Variants in CAMTA1 observed in about 807,000 individuals in gnomAD.
The protein encoded by CAMTA1 is calmodulin-binding transcription activator 1.
Under a neutral mutation model 170.9 loss-of-function variants are expected in CAMTA1, and 27 were observed. The ratio of observed to expected loss-of-function variants is 0.16; its 90% CI spans 0.12 to 0.22. The LOEUF (loss-of-function observed/expected upper bound fraction) is 0.22, where lower values mean the gene tolerates loss of function less well. CAMTA1 is among the 10% of genes least tolerant of loss of function. The pLI, the probability that CAMTA1 is intolerant of heterozygous loss-of-function variation, is 1.00. For synonymous variants in CAMTA1, 833 were observed against 891.5 expected (o/e 0.93, Z 1.17); for missense variants, 1,619 against 2,217.2 (o/e 0.73, Z 5.42).
chr1:7,468,458 C>T (rs1342813195), intron 6 of CAMTA1, among the ~76,000 whole-genome samples: 5 of 152,178 alleles, frequency 3.3e-5, no homozygotes, highest in Admixed American at 3.3e-4. Context: ...GCCTGGTGCC[C>T]AGATCTCTGT....
Position 6,934,901 on chromosome 1 carries a change from T to C in CAMTA1, c.234+109691T>C, listed in dbSNP as rs907823831. Among the ~76,000 whole-genome samples the C allele has an allele frequency of 2.6e-5, 4 of 151,984 alleles. No homozygotes were observed. The highest frequency in any genetic ancestry group is 5.9e-5 in the Non-Finnish European group (4 of 68,018). ...TGTCAAAATAAAAAGTCCACCAAAC[T>C]CCTTAGGCCAGTCGAAAGCACCTAA... On this transcript the variant is annotated intron_variant, in intron 3 of 22. Coordinates refer to ENST00000303635, the MANE Select transcript of CAMTA1 (RefSeq NM_015215.4). This position sits in a 1 kb window ranked among gnomAD's most constrained non-coding sequence, Gnocchi z 4.5.
At chr1:7,422,982 A>G (rs1406883794) in intron 5 of CAMTA1, among the ~76,000 whole-genome samples, 1 of 152,254 alleles carries the variant, frequency 6.6e-6, no homozygotes, top group Non-Finnish European at 1.5e-5. Flanking sequence ...GCATAGATTA[A>G]TGGCAGTGCC....
At chr1:7,474,848 C>G (rs2093394440) in intron 6 of CAMTA1, among the ~76,000 whole-genome samples, 2 of 152,232 alleles carry the variant, frequency 1.3e-5, no homozygotes, top group Admixed American at 6.5e-5. Flanking sequence ...AGTGTCTCCC[C>G]AGAAGTGCAG....
chr1:6,881,803 T>A (rs1402894181), intron 3 of CAMTA1, among the ~76,000 whole-genome samples: 1 of 151,984 alleles, frequency 6.6e-6, no homozygotes, highest in Non-Finnish European at 1.5e-5. Context: ...CTGTCACTAC[T>A]AAAAATACGA....
At position 7,092,987 on chromosome 1, in the gene CAMTA1, G is replaced by A. The variant is rs1359276677; in HGVS notation, c.302+1616G>A. Among the ~76,000 whole-genome samples, 1 of 152,234 alleles carries A rather than the reference G, an allele frequency of 6.6e-6. No homozygotes were observed. Among genetic ancestry groups the A allele is most frequent in the East Asian group, 1.9e-4 (1 of 5,196 alleles). ...CAAGTCCCCTGGCCAAGCCCAGTAA[G>A]AATGGGGCTGGGAAGGACATCCCTC... On this transcript the variant is annotated intron_variant, in intron 4 of 22. Coordinates refer to ENST00000303635, the MANE Select transcript of CAMTA1 (RefSeq NM_015215.4). This position sits in a 1 kb window ranked among gnomAD's most constrained non-coding sequence, Gnocchi z 5.0.
At chr1:7,372,227 C>G (rs2086527841) in intron 5 of CAMTA1, among the ~76,000 whole-genome samples, 1 of 152,178 alleles carries the variant, frequency 6.6e-6, no homozygotes, top group South Asian at 2.1e-4. Context: ...CATCCTTGCC[C>G]TTCAGAAGCT....
chr1:7,355,585 C>T (rs1402538583), intron 5 of CAMTA1, among the ~76,000 whole-genome samples: 3 of 152,254 alleles, frequency 2.0e-5, no homozygotes, highest in Non-Finnish European at 2.9e-5. Context: ...CTGCAAAAGC[C>T]CTCTGCCAAG....
rs889850446 is a variant in CAMTA1 at position 7,741,938 on chromosome 1, CG to C, written c.4183-2894del. On this transcript the variant is annotated intron_variant, in intron 16 of 22. Transcript: ENST00000303635. ...AGGTGTGAGCCACCATGCCCGGCCT[CG>C]GGTTGTTTTTTTTTTTTTTTTTAAA... Among the ~76,000 whole-genome samples the C allele has an allele frequency of 1.2e-3, 132 of 113,970 alleles. 1 individual carries two copies. The highest frequency in any genetic ancestry group is 3.8e-3 in the African/African-American group (126 of 33,024). 74.8% of individuals were successfully genotyped at this position (113,970 alleles called of 152,430 possible). A position where few individuals can be genotyped will look rare whatever the true frequency, so the allele number is the denominator to read the frequency against.
At chr1:7,458,116 C>T (rs1387464650) in intron 5 of CAMTA1, among the ~76,000 whole-genome samples, 6 of 152,286 alleles carry the variant, frequency 3.9e-5, no homozygotes, top group East Asian at 1.9e-4. Flanking sequence ...CGTTTGCTGC[C>T]GTTCCTGGTT....
chr1:7,529,507 C>T (rs986918669), intron 6 of CAMTA1, among the ~76,000 whole-genome samples: 94 of 152,164 alleles, frequency 6.2e-4, no homozygotes, highest in African/African-American at 1.8e-3. Context: ...GAACTTGAGG[C>T]ACAGAGAGCT....
At chr1:7,508,104 G>T (rs116816512) in intron 6 of CAMTA1, among the ~76,000 whole-genome samples, 5,078 of 152,382 alleles carry the variant, frequency 0.033, 271 homozygotes, top group African/African-American at 0.12. Context: ...CCCTGAGAAG[G>T]TAGGAAGTGG....
chr1:7,590,118 C>T (rs1248017796), intron 6 of CAMTA1, among the ~76,000 whole-genome samples: 1 of 152,178 alleles, frequency 6.6e-6, no homozygotes, highest in Non-Finnish European at 1.5e-5. Context: ...TGCCTATTTG[C>T]CCGTACAGGG....
At chr1:7,744,231 A>G (rs1214776757) in intron 16 of CAMTA1, among the ~76,000 whole-genome samples, 1 of 148,516 alleles carries the variant, frequency 6.7e-6, no homozygotes, top group Non-Finnish European at 1.5e-5. Flanking sequence ...TCCCAGGTTT[A>G]AGTGATTCTC....
In CAMTA1 at chr1:7,014,801, A is replaced by T. The variant is rs1293094274; in HGVS notation, c.235-76503A>T. Among the ~76,000 whole-genome samples, 1 of 151,566 alleles carries T rather than the reference A, an allele frequency of 6.6e-6. No homozygotes were observed. Among genetic ancestry groups the T allele is most frequent in the South Asian group, 2.1e-4 (1 of 4,758 alleles). Reference sequence around the variant, plus strand: ...TTTCGGGGTCTGTGGACCCTCTCAGACCCTGCAGCATGTCGGGGGCCGGGT... The same window carrying T: ...TTTCGGGGTCTGTGGACCCTCTCAGTCCCTGCAGCATGTCGGGGGCCGGGT... On this transcript the variant is annotated intron_variant, in intron 3 of 22. Transcript: ENST00000303635. This position sits in a 1 kb window ranked among gnomAD's most constrained non-coding sequence, Gnocchi z 4.2.
intron 3 of CAMTA1, among the ~76,000 whole-genome samples, chr1:6,903,417 A>T (rs947007686): frequency 2.6e-5 from 4 of 152,258 alleles, no homozygotes; most frequent in Non-Finnish European, 4.4e-5. Flanking sequence ...AAATATATTT[A>T]AAACCCACTT....
intron 5 of CAMTA1, among the ~76,000 whole-genome samples, chr1:7,324,827 G>A (rs1178053848): frequency 6.8e-6 from 1 of 147,394 alleles, no homozygotes; most frequent in African/African-American, 2.5e-5. Context: ...AAAAAAGTCT[G>A]TGCTTAGAAG....
chr1:7,496,689 C>T (rs1375327332), intron 6 of CAMTA1, among the ~76,000 whole-genome samples: 1 of 152,126 alleles, frequency 6.6e-6, no homozygotes, highest in African/African-American at 2.4e-5. Context: ...GGACAGCATC[C>T]CCTACCCCTG....
At chr1:7,657,240 A>G (rs57249262) in intron 7 of CAMTA1, among the ~76,000 whole-genome samples, 35,928 of 152,054 alleles carry the variant, frequency 0.24, 4,484 homozygotes, top group Middle Eastern at 0.35. Context: ...CAGCCTTCCT[A>G]GGGATACAGG....
chr1:7,257,857 G>A (rs1667648392), intron 5 of CAMTA1, among the ~76,000 whole-genome samples: 1 of 152,180 alleles, frequency 6.6e-6, no homozygotes, highest in Admixed American at 6.5e-5. Context: ...ACAGAGGTTT[G>A]TCTGTTTTGG....
Sources: gnomAD v4.1 joint callset for allele counts (sites outside exome capture counted in the v4.1 genomes callset) on GRCh38, gnomAD v4.1.1 for gene constraint, Gnocchi (gnomAD v3.1) non-coding constraint, MANE v1.5 for transcripts, NCBI Gene and HGNC (gene_info 2026-07-23, HGNC 2026-07-21) for gene names.